LRP1B: variants seen among roughly 807,000 people sequenced by gnomAD.
The protein encoded by LRP1B is LDL receptor related protein 1B.
LRP1B carries 217 observed loss-of-function variants against 556.6 expected under a neutral mutation model. That is an observed-to-expected ratio of 0.39 (90% CI 0.35 to 0.44). The LOEUF (loss-of-function observed/expected upper bound fraction) is 0.44. Ranked by LOEUF, LRP1B falls within the 20% of genes least tolerant of loss-of-function variation. The probability of loss-of-function intolerance (pLI) is 1.00; values close to 1 mark genes in which losing one functional copy is unlikely to be tolerated. For missense variants in LRP1B, 5,053 were observed against 5,620.8 expected (o/e 0.90, Z 3.23); for synonymous variants, 2,047 against 1,865.8 (o/e 1.10, Z -2.50).
At chr2:141,906,245 T>A (rs1699757346) in intron 1 of LRP1B, among the ~76,000 whole-genome samples, 1 of 151,808 alleles carries the variant, frequency 6.6e-6, no homozygotes, top group African/African-American at 2.4e-5. Context: ...CATATTCTTA[T>A]TGAAAAACAA....
At chr2:142,106,876 T>C (rs961909280) in intron 1 of LRP1B, among the ~76,000 whole-genome samples, 5 of 152,176 alleles carry the variant, frequency 3.3e-5, no homozygotes, top group Admixed American at 1.3e-4. Flanking sequence ...TTTTATGTGA[T>C]CACATGTTAG....
At chr2:142,015,802 G>A (rs1466178429) in intron 1 of LRP1B, among the ~76,000 whole-genome samples, 3 of 151,796 alleles carry the variant, frequency 2.0e-5, no homozygotes, top group Admixed American at 6.6e-5. Flanking sequence ...GACCATCCTG[G>A]CTAACACGGT....
chr2:141,468,870 C>T (rs1005463402), intron 3 of LRP1B, among the ~76,000 whole-genome samples: 2 of 152,146 alleles, frequency 1.3e-5, no homozygotes, highest in African/African-American at 4.8e-5. Flanking sequence ...GTATCCGACA[C>T]TCAAGCCTTG....
chr2:141,254,747 A>G, intron 3 of LRP1B, 106 bp from the exon 4 acceptor site: 1 of 831,828 alleles, frequency 1.2e-6, no homozygotes, highest in Non-Finnish European at 1.8e-6. Flanking sequence ...GTTCTCCCAG[A>G]AAGTTTATAT....
chr2:140,557,672 G>A (rs1204696935), intron 43 of LRP1B, among the ~76,000 whole-genome samples: 1 of 152,116 alleles, frequency 6.6e-6, no homozygotes, highest in African/African-American at 2.4e-5. Flanking sequence ...CACATATAAT[G>A]TCTTTGTATT....
chr2:140,713,561 G>A (rs923124168), intron 37 of LRP1B, among the ~76,000 whole-genome samples: 2 of 152,018 alleles, frequency 1.3e-5, no homozygotes, highest in Admixed American at 6.6e-5. Flanking sequence ...GAGGCCAAGG[G>A]AAGGCTGAGG....
chr2:141,434,818 C>T (rs562064166), intron 3 of LRP1B, among the ~76,000 whole-genome samples: 1 of 152,266 alleles, frequency 6.6e-6, no homozygotes. Context: ...TCTGAAAACT[C>T]TATTCCCCCA....
chr2:140,671,907 T>A (rs1685499244), intron 41 of LRP1B, among the ~76,000 whole-genome samples: 1 of 152,164 alleles, frequency 6.6e-6, no homozygotes, highest in Non-Finnish European at 1.5e-5. Context: ...GTGTGCAAAG[T>A]AAGTATATTC....
chr2:141,666,438 CAA>C (rs1207761323), intron 2 of LRP1B, among the ~76,000 whole-genome samples: 1 of 152,160 alleles, frequency 6.6e-6, no homozygotes, highest in African/African-American at 2.4e-5. Flanking sequence ...AGGCTGGACT[CAA>C]ACAATTGAGT....
At chr2:141,448,756 G>A (rs533956929) in intron 3 of LRP1B, among the ~76,000 whole-genome samples, 1 of 152,298 alleles carries the variant, frequency 6.6e-6, no homozygotes, top group African/African-American at 2.4e-5. Context: ...AGTGAGATCA[G>A]CCAGGTATCT....
intron 2 of LRP1B, among the ~76,000 whole-genome samples, chr2:141,613,508 A>G (rs1392982096): frequency 1.3e-5 from 2 of 152,156 alleles, no homozygotes; most frequent in Non-Finnish European, 2.9e-5. Context: ...GATTTTGATA[A>G]TTCTGGACTC....
intron 66 of LRP1B, among the ~76,000 whole-genome samples, chr2:140,394,900 G>A (rs1684184438): frequency 6.6e-6 from 1 of 152,092 alleles, no homozygotes; most frequent in Non-Finnish European, 1.5e-5. Flanking sequence ...TTAAGAACTG[G>A]TGTCTCAGAA....
intron 45 of LRP1B, among the ~76,000 whole-genome samples, chr2:140,540,029 T>C (rs1680074146): frequency 6.6e-6 from 1 of 152,146 alleles, no homozygotes; most frequent in South Asian, 2.1e-4. Context: ...AAGAAAATTA[T>C]GCCCAAGCAC....
At chr2:141,102,320 T>C (rs1700482150) in intron 7 of LRP1B, among the ~76,000 whole-genome samples, 1 of 152,148 alleles carries the variant, frequency 6.6e-6, no homozygotes, top group Admixed American at 6.6e-5. Context: ...GTATTTAGAC[T>C]CCTCTGTTTA....
intron 2 of LRP1B, among the ~76,000 whole-genome samples, chr2:141,544,315 TCTTCTTCTTC>T (rs1685406952): frequency 3.4e-5 from 1 of 29,110 alleles, no homozygotes; most frequent in Non-Finnish European, 5.6e-5. Flanking sequence ...TTCTTCTTCT[TCTTCTTCTTC>T]TTCTTCTTCT....
chr2:142,084,734 T>G (rs1488652309), intron 1 of LRP1B, among the ~76,000 whole-genome samples: 1 of 152,196 alleles, frequency 6.6e-6, no homozygotes, highest in East Asian at 1.9e-4. Context: ...AATTGGTCCC[T>G]TCGCCAATTT....
chr2:141,845,582 A>G (rs889854783), intron 1 of LRP1B, among the ~76,000 whole-genome samples: 1 of 151,806 alleles, frequency 6.6e-6, no homozygotes, highest in Non-Finnish European at 1.5e-5. Context: ...CCTTTAGGCC[A>G]CCCATTCTTA....
chr2:141,964,141 A>G (rs1459140529), intron 1 of LRP1B, among the ~76,000 whole-genome samples: 2 of 150,682 alleles, frequency 1.3e-5, no homozygotes, highest in Non-Finnish European at 3.0e-5. Flanking sequence ...GGTAGGAAGA[A>G]TTAATATCAT....
At chr2:141,713,086 CA>C (rs951396209) in intron 2 of LRP1B, among the ~76,000 whole-genome samples, 1 of 144,402 alleles carries the variant, frequency 6.9e-6, no homozygotes, top group Non-Finnish European at 1.5e-5. Context: ...AAAATAATTT[CA>C]TTTTTTTTTT....
Sources: gnomAD v4.1 joint callset for allele counts (sites outside exome capture counted in the v4.1 genomes callset) on GRCh38, gnomAD v4.1.1 for gene constraint, MANE v1.5 for transcripts, NCBI Gene and HGNC (gene_info 2026-07-23, HGNC 2026-07-21) for gene names.